FHIT: variants seen among roughly 807,000 people sequenced by gnomAD.
The protein encoded by FHIT is fragile histidine triad diadenosine triphosphatase.
FHIT carries 19 observed loss-of-function variants against 17.9 expected under a neutral mutation model. That is an observed-to-expected ratio of 1.06 (90% CI 0.74 to 1.56). FHIT has a LOEUF of 1.56. Among genes scored for constraint, FHIT ranks in the 40% most tolerant of loss-of-function variants. FHIT has a pLI of 0.00. For synonymous variants in FHIT, 81 were observed against 69.7 expected, an observed-to-expected ratio of 1.16 and a Z score of -0.81; for missense variants, 248 against 189.2, an observed-to-expected ratio of 1.31 and a Z score of -1.82.
At chr3:61,097,295 C>T (rs2106834781) in intron 2 of FHIT, among the ~76,000 whole-genome samples, 1 of 152,188 alleles carries the variant, frequency 6.6e-6, no homozygotes, top group South Asian at 2.1e-4. Flanking sequence ...CAAGGCATCG[C>T]CTCACCCGGG....
chr3:60,198,630 G>C (rs1702754994), intron 5 of FHIT, among the ~76,000 whole-genome samples: 2 of 152,052 alleles, frequency 1.3e-5, no homozygotes, highest in East Asian at 3.9e-4. Flanking sequence ...TCTTCCCTTT[G>C]GTATGCTCAA....
At chr3:59,954,224 T>TTG (rs1707276323) in intron 7 of FHIT, among the ~76,000 whole-genome samples, 1 of 150,372 alleles carries the variant, frequency 6.7e-6, no homozygotes, top group South Asian at 2.1e-4. Flanking sequence ...TTGTTCTGTT[T>TTG]TTTTTTCTTT....
chr3:60,777,016 A>G (rs1157542246), intron 4 of FHIT, among the ~76,000 whole-genome samples: 1 of 152,340 alleles, frequency 6.6e-6, no homozygotes, highest in South Asian at 2.1e-4. Context: ...AGGTTTTCCT[A>G]AGGTGCTAAT....
At chr3:60,576,142 AG>A in intron 4 of FHIT, among the ~76,000 whole-genome samples, 1 of 152,178 alleles carries the variant, frequency 6.6e-6, no homozygotes, top group East Asian at 1.9e-4. Context: ...GGCAAAACAA[AG>A]ATTACCCAAC....
At chr3:60,393,668 T>C (rs1489442103) in intron 5 of FHIT, among the ~76,000 whole-genome samples, 3 of 152,028 alleles carry the variant, frequency 2.0e-5, no homozygotes, top group Non-Finnish European at 4.4e-5. Context: ...CTTCCTACGT[T>C]TTTTTTATTT....
At chr3:61,016,608 T>C (rs1448190096) in intron 3 of FHIT, among the ~76,000 whole-genome samples, 1 of 152,246 alleles carries the variant, frequency 6.6e-6, no homozygotes, top group Non-Finnish European at 1.5e-5. Context: ...TTTGTGTTTG[T>C]TCAACATTTC....
intron 5 of FHIT, among the ~76,000 whole-genome samples, chr3:60,416,613 G>A (rs1339201347): frequency 6.6e-6 from 1 of 152,074 alleles, no homozygotes; most frequent in Non-Finnish European, 1.5e-5. Flanking sequence ...TATTCATATC[G>A]TGATTTTTTT....
chr3:60,782,356 T>C (rs1700424095), intron 4 of FHIT, among the ~76,000 whole-genome samples: 6 of 152,126 alleles, frequency 3.9e-5, no homozygotes, highest in Admixed American at 2.6e-4. Flanking sequence ...GGAACCCTTG[T>C]TCACTACTGA....
chr3:60,129,049 G>GTTGTTTTTTTTTT lies in FHIT; in HGVS notation c.104-114898_104-114897insAAAAAAAAAACAA, dbSNP rs759645654. Reference sequence around the variant, plus strand: ...TTTCCCTTTTCTTCTTTCCTTTTTTGTTTGTTTTTTTTTTTTTTTTTGAAA... The same window carrying GTTGTTTTTTTTTT: ...TTTCCCTTTTCTTCTTTCCTTTTTTGTTGTTTTTTTTTTTTTGTTTTTTTTTTTTTTTTTGAAA... On this transcript the variant is annotated intron_variant, in intron 5 of 9. Transcript: ENST00000492590. Among the ~76,000 whole-genome samples, 18 of 121,038 alleles carry GTTGTTTTTTTTTT rather than the reference G, an allele frequency of 1.5e-4. 1 individual carries two copies. Among genetic ancestry groups the GTTGTTTTTTTTTT allele is most frequent in the Admixed American group, 3.5e-4 (4 of 11,338 alleles). 79.4% of individuals were successfully genotyped at this position (121,038 alleles called of 152,430 possible).
At chr3:60,306,770 G>A (rs574128025) in intron 5 of FHIT, among the ~76,000 whole-genome samples, 1 of 152,142 alleles carries the variant, frequency 6.6e-6, no homozygotes, top group South Asian at 2.1e-4. Context: ...CAAATTTAAG[G>A]GAATGTGTAG....
intron 3 of FHIT, among the ~76,000 whole-genome samples, chr3:60,915,117 T>C (rs1706936583): frequency 1.3e-5 from 2 of 152,240 alleles, no homozygotes; most frequent in South Asian, 4.1e-4. Flanking sequence ...ATTTACAAGT[T>C]GTTATTTAAC....
chr3:60,490,242 T>A (rs1339152724), intron 5 of FHIT, among the ~76,000 whole-genome samples: 1 of 152,104 alleles, frequency 6.6e-6, no homozygotes, highest in Non-Finnish European at 1.5e-5. Flanking sequence ...CATCTAATAT[T>A]TTCATAACAT....
intron 5 of FHIT, among the ~76,000 whole-genome samples, chr3:60,506,107 G>A (rs1306717877): frequency 6.6e-6 from 1 of 152,038 alleles, no homozygotes; most frequent in Non-Finnish European, 1.5e-5. Flanking sequence ...AAATTTAATA[G>A]TCTTTTCCCA....
At chr3:60,085,661 T>C (rs1380497750) in intron 5 of FHIT, among the ~76,000 whole-genome samples, 1 of 152,194 alleles carries the variant, frequency 6.6e-6, no homozygotes, top group African/African-American at 2.4e-5. Context: ...AACACAATTA[T>C]AGGGGAGGTC....
Position 60,048,376 on chromosome 3 carries a change from C to CTATGTTAGCCAGGA in FHIT, c.104-34238_104-34225dup, listed in dbSNP as rs557015419. ...TATTTTTAGTAGAGATGGGGTTTCA[C>CTATGTTAGCCAGGA]TATGTTAGCCAGGATGGGCTCGATC... On this transcript the variant is annotated intron_variant, in intron 5 of 9. Coordinates refer to ENST00000492590, the MANE Select transcript of FHIT (RefSeq NM_002012.4). Among the ~76,000 whole-genome samples the CTATGTTAGCCAGGA allele has an allele frequency of 6.3e-3, 962 of 152,256 alleles. 9 individuals are homozygous for CTATGTTAGCCAGGA. Among genetic ancestry groups the CTATGTTAGCCAGGA allele is most frequent in the African/African-American group, 0.021 (889 of 41,526 alleles).
chr3:60,620,587 A>G (rs1041828084), intron 4 of FHIT, among the ~76,000 whole-genome samples: 1 of 147,726 alleles, frequency 6.8e-6, no homozygotes. Flanking sequence ...ATACATTGGA[A>G]AAAAAAAAAA....
chr3:59,944,522 TTTA>T (rs1003089384), intron 7 of FHIT, among the ~76,000 whole-genome samples: 1 of 151,978 alleles, frequency 6.6e-6, no homozygotes, highest in African/African-American at 2.4e-5. Context: ...TTCTTTTTTT[TTTA>T]TTTAAACTTT....
intron 5 of FHIT, among the ~76,000 whole-genome samples, chr3:60,115,580 G>A (rs1168664901): frequency 1.3e-5 from 2 of 152,070 alleles, no homozygotes; most frequent in African/African-American, 2.4e-5. Flanking sequence ...TAGCGTTCTG[G>A]CAACTTATGC....
At chr3:60,574,561 C>T (rs2037502033) in intron 4 of FHIT, among the ~76,000 whole-genome samples, 1 of 151,828 alleles carries the variant, frequency 6.6e-6, no homozygotes, top group South Asian at 2.1e-4. Context: ...ATTCTATAGC[C>T]CCCTCCTAAT....
Sources: gnomAD v4.1 joint callset for allele counts (sites outside exome capture counted in the v4.1 genomes callset) on GRCh38, gnomAD v4.1.1 for gene constraint, MANE v1.5 for transcripts, NCBI Gene and HGNC (gene_info 2026-07-23, HGNC 2026-07-21) for gene names.